The following PRELID2 variants were observed in gnomAD, a reference collection of about 807,000 sequenced individuals.
The protein encoded by PRELID2 is PRELI domain containing 2.
PRELID2 carries 25 observed loss-of-function variants against 28.4 expected under a neutral mutation model. The observed-to-expected ratio is 0.88, with a 90% CI of 0.64 to 1.23. The LOEUF is 1.23. PRELID2 is among the 50% of genes most tolerant of loss of function. PRELID2 has a pLI of 0.00. For synonymous variants in PRELID2, 76 were observed against 71.6 expected, an observed-to-expected ratio of 1.06 and a Z score of -0.31; for missense variants, 201 against 214.4, an observed-to-expected ratio of 0.94 and a Z score of 0.39.
chr5:145,797,205 TCCC>T (rs1281056647), intron 4 of PRELID2, among the ~76,000 whole-genome samples: 1 of 152,066 alleles, frequency 6.6e-6, no homozygotes, highest in Non-Finnish European at 1.5e-5. Context: ...GAATAGGAAG[TCCC>T]AAGCCTTCAT....
intron 1 of PRELID2, among the ~76,000 whole-genome samples, chr5:145,573,047 T>C (rs1294109113): frequency 6.6e-6 from 1 of 152,164 alleles, no homozygotes; most frequent in Admixed American, 6.5e-5. Context: ...CAATAGGATA[T>C]AGAGGGAGTA....
chr5:145,374,108 C>A, the PRELID2 span, among the ~76,000 whole-genome samples: 2 of 151,358 alleles, frequency 1.3e-5, no homozygotes, highest in South Asian at 2.1e-4. Flanking sequence ...TGTGTTTTTG[C>A]AAGGGCTGGT....
chr5:145,535,124 C>T (rs1752688772), intron 1 of PRELID2, among the ~76,000 whole-genome samples: 1 of 151,844 alleles, frequency 6.6e-6, no homozygotes, highest in Non-Finnish European at 1.5e-5. Context: ...GCCTTTTCCC[C>T]CTATGTATCT....
intron 4 of PRELID2, among the ~76,000 whole-genome samples, chr5:145,812,113 T>C (rs935484663): frequency 1.3e-5 from 2 of 152,110 alleles, no homozygotes; most frequent in Non-Finnish European, 2.9e-5. Flanking sequence ...GCAGGTGTTC[T>C]AAGTTGACTC....
the PRELID2 span, among the ~76,000 whole-genome samples, chr5:145,240,376 G>A: frequency 0.055 from 8,297 of 151,454 alleles, 407 homozygotes; most frequent in African/African-American, 0.13. Flanking sequence ...CTTTTCCAAG[G>A]TTTTCCTATA....
intron 1 of PRELID2, among the ~76,000 whole-genome samples, chr5:145,547,938 T>C (rs1007097809): frequency 6.6e-6 from 1 of 152,182 alleles, no homozygotes; most frequent in Non-Finnish European, 1.5e-5. Context: ...TTCACTCTTA[T>C]AATGATCAGT....
At chr5:145,741,871 A>T (rs531734390) in intron 1 of PRELID2, among the ~76,000 whole-genome samples, 100,214 of 121,862 alleles carry the variant, frequency 0.82, 41,609 homozygotes, top group East Asian at 0.88. Flanking sequence ...TTAATTTAAT[A>T]AATAAATTTA....
chr5:145,615,318 C>CTTTTTT (rs1403386842), intron 1 of PRELID2, among the ~76,000 whole-genome samples: 1 of 115,034 alleles, frequency 8.7e-6, no homozygotes, highest in African/African-American at 4.0e-5. Flanking sequence ...ATGTGAGTCT[C>CTTTTTT]TTTTTTTTGT....
At chr5:145,489,047 G>A (rs917028966) in intron 1 of PRELID2, among the ~76,000 whole-genome samples, 13 of 152,146 alleles carry the variant, frequency 8.5e-5, no homozygotes, top group African/African-American at 2.7e-4. Flanking sequence ...GGAAAAGAGA[G>A]TTCAAAAAAG....
At chr5:145,821,335 ATGTGTGTGTAAGCCCTCGTGTTTGTGTG>A (rs1213830941) in intron 2 of PRELID2, among the ~76,000 whole-genome samples, 6 of 137,744 alleles carry the variant, frequency 4.4e-5, no homozygotes, top group Admixed American at 7.2e-5. Flanking sequence ...TCTTCTGTGT[ATGTGTGTGTAAGCCCTCGTGTTTGTGTG>A]TGTGTGTGTA....
At chr5:145,465,933 T>C in the PRELID2 span, among the ~76,000 whole-genome samples, 1 of 152,144 alleles carries the variant, frequency 6.6e-6, no homozygotes, top group Non-Finnish European at 1.5e-5. Context: ...TATGATAGCA[T>C]TTATAAATAA....
intron 4 of PRELID2, among the ~76,000 whole-genome samples, chr5:145,805,848 T>C (rs1298857003): frequency 2.0e-5 from 3 of 152,220 alleles, no homozygotes; most frequent in South Asian, 2.1e-4. Flanking sequence ...GCATACTGTA[T>C]GCAACTGCAA....
chr5:145,720,167 T>TAATAG (rs927893123), intron 1 of PRELID2, among the ~76,000 whole-genome samples: 8 of 151,782 alleles, frequency 5.3e-5, no homozygotes, highest in African/African-American at 1.9e-4. Flanking sequence ...AAAAAGAATG[T>TAATAG]AATAGAACTA....
the PRELID2 span, among the ~76,000 whole-genome samples, chr5:145,347,586 C>T: frequency 6.6e-6 from 1 of 151,986 alleles, no homozygotes; most frequent in African/African-American, 2.4e-5. Flanking sequence ...ATGGAGTTTT[C>T]TTTTTCTATT....
intron 1 of PRELID2, among the ~76,000 whole-genome samples, chr5:145,585,889 C>G (rs973020409): frequency 2.0e-5 from 3 of 152,062 alleles, no homozygotes; most frequent in African/African-American, 7.2e-5. Context: ...CATGTGTGGA[C>G]CCCTCCTCTT....
At chr5:145,501,197 C>T (rs770044408) in intron 1 of PRELID2, among the ~76,000 whole-genome samples, 4 of 152,132 alleles carry the variant, frequency 2.6e-5, no homozygotes, top group African/African-American at 4.8e-5. Flanking sequence ...ATCTGGTTCA[C>T]GGAATTCTGA....
intron 1 of PRELID2, among the ~76,000 whole-genome samples, chr5:145,640,605 C>T (rs1314601514): frequency 1.3e-5 from 2 of 148,662 alleles, no homozygotes; most frequent in East Asian, 2.0e-4. Context: ...GATCGCGCCA[C>T]TGCACCCCAG....
intron 1 of PRELID2, among the ~76,000 whole-genome samples, chr5:145,704,506 C>T (rs1245758328): frequency 4.6e-5 from 7 of 152,196 alleles, no homozygotes; most frequent in Non-Finnish European, 1.0e-4. Context: ...TGACAAAGTA[C>T]TACTTGAGAA....
chr5:145,835,022 T>G, intron 1 of PRELID2, 155 bp downstream of exon 1: 1 of 551,490 alleles, frequency 1.8e-6, no homozygotes, highest in South Asian at 2.5e-5. Context: ...AAGGGAGTCT[T>G]CGAGGAAATC....
Sources: gnomAD v4.1 joint callset for allele counts (sites outside exome capture counted in the v4.1 genomes callset) on GRCh38, gnomAD v4.1.1 for gene constraint, MANE v1.5 for transcripts, NCBI Gene and HGNC (gene_info 2026-07-23, HGNC 2026-07-21) for gene names.